PDE4C: variants seen among roughly 807,000 people sequenced by gnomAD.
PDE4C encodes 3',5'-cyclic-AMP phosphodiesterase 4C.
A neutral mutation model predicts 63.9 loss-of-function variants in PDE4C; 50 were observed. The observed-to-expected ratio is 0.78, with a 90% CI of 0.62 to 0.99. The LOEUF is 0.99. PDE4C is among the 50% of genes least tolerant of loss of function. The pLI is 0.00. For synonymous variants in PDE4C, 377 were observed against 385.1 expected (o/e 0.98, Z 0.25); for missense variants, 777 against 899.1 (o/e 0.86, Z 1.74).
At chr19:18,229,991 C>T (rs1174521469), upstream of PDE4C, among the ~76,000 whole-genome samples, 7 of 152,128 alleles carry the variant, frequency 4.6e-5, no homozygotes, top group African/African-American at 1.2e-4. Flanking sequence ...GAATGCTTGT[C>T]GCCTGCTGAT....
Position 18,222,185 on chromosome 19 carries a change from GT to G in PDE4C, c.284del (p.Asp95AlafsTer24), listed in dbSNP as rs769938898. 2 of 1,614,174 alleles carry G rather than the reference GT, an allele frequency of 1.2e-6. No individual in the cohort carries two copies. Among genetic ancestry groups the G allele is most frequent in the Admixed American group, 3.3e-5 (2 of 60,028 alleles). ...ACATGGCCTTGGGCGAGAGTTCATA[GT>G]CGCTATCTGAGCGGTACAGGAAGGA... On this transcript the variant is annotated frameshift_variant, in exon 2 of 15. Transcript: ENST00000262805. LOFTEE classifies it high-confidence loss of function.
At chr19:18,211,166 G>A (rs1259262203) in exon 15 of PDE4C, 2 of 1,613,976 alleles carry the variant, frequency 1.2e-6, no homozygotes, top group Non-Finnish European at 1.7e-6. Flanking sequence ...TCTTGCTCTG[G>A]TACCACTCTC....
upstream of PDE4C, among the ~76,000 whole-genome samples, chr19:18,248,604 G>T (rs74739592): frequency 6.6e-6 from 1 of 151,760 alleles, no homozygotes. Context: ...GGAAGGGGGG[G>T]ATTTTATCAA....
chr19:18,237,490 G>T (rs1315063887), upstream of PDE4C, among the ~76,000 whole-genome samples: 1 of 152,078 alleles, frequency 6.6e-6, no homozygotes, highest in Non-Finnish European at 1.5e-5. Context: ...GGCGGAGGTT[G>T]CAGTGAGCCG....
chr19:18,248,097 A>G (rs936280439), intron 1 of PDE4C: 5 of 450,166 alleles, frequency 1.1e-5, no homozygotes, highest in African/African-American at 6.0e-5. Context: ...ACGAGACCCC[A>G]GCACCTCTCC....
At chr19:18,221,079 C>T (rs1342096932) in intron 4 of PDE4C, 26 bp downstream of exon 4, 5 of 1,216,144 alleles carry the variant, frequency 4.1e-6, no homozygotes, top group Non-Finnish European at 5.5e-6. Flanking sequence ...CGGCCCCGCC[C>T]CCGCCCCGCC....
At chr19:18,211,388 C>A in intron 14 of PDE4C, 112 bp from the exon 15 acceptor site, 1 of 861,294 alleles carries the variant, frequency 1.2e-6, no homozygotes, top group South Asian at 1.8e-5. Flanking sequence ...AATGCCGCTT[C>A]CCAACAACTG....
upstream of PDE4C, among the ~76,000 whole-genome samples, chr19:18,227,265 G>A (rs959610247): frequency 2.0e-5 from 3 of 152,058 alleles, no homozygotes; most frequent in Non-Finnish European, 2.9e-5. Context: ...ACGCGGTCAC[G>A]GGCATGGGTC....
rs570597676 is a variant in PDE4C at position 18,221,078 on chromosome 19, C to A, written c.449+27G>T. ...CCCACCTTGTCTCTGCCGGCCCCGC[C>A]CCCGCCCCGCCCCGCCCTCTACCTA... is the stretch of plus-strand genomic sequence containing the variant. On this transcript the variant is annotated intron_variant, in intron 4 of 14. Coordinates refer to ENST00000262805, the Ensembl canonical transcript of PDE4C. 1.4e-5 allele frequency: 20 copies of A among 1,423,250 alleles called. No homozygotes were observed. The South Asian group carries it at 2.3e-4, about 17-fold the overall frequency. The allele number at this position is 1,423,250 out of a possible 1,614,324, so 88.2% of individuals were successfully genotyped here.
chr19:18,243,746 C>T (rs991236618), intron 1 of PDE4C, among the ~76,000 whole-genome samples: 2 of 152,208 alleles, frequency 1.3e-5, no homozygotes, highest in South Asian at 2.1e-4. Flanking sequence ...ATCCCTCCCC[C>T]ATCTGGAGTG....
intron 1 of PDE4C, among the ~76,000 whole-genome samples, chr19:18,242,475 C>T (rs374544727): frequency 3.0e-4 from 9 of 29,806 alleles, no homozygotes; most frequent in Admixed American, 6.0e-4. Context: ...GACTCCATCT[C>T]AAAAAAAAAA....
rs762686629 is a variant in PDE4C, at chr19:18,233,238, C to A, written c.-47G>T. On this transcript the variant is annotated 5_prime_UTR_variant, in exon 1 of 15. Coordinates refer to the PDE4C transcript ENST00000594465. ...GATAGCAGGGAGCAGGACTCGTCCC[C>A]GTGAGCGGGCGCCGAGGAGCGTCTG... 20 of 1,543,482 alleles carry A rather than the reference C, an allele frequency of 1.3e-5. 1 individual carries two copies. The highest frequency in any genetic ancestry group is 1.1e-4 in the South Asian group (9 of 84,148).
chr19:18,230,345 A>G (rs1349395411), upstream of PDE4C, among the ~76,000 whole-genome samples: 2 of 152,144 alleles, frequency 1.3e-5, no homozygotes, highest in Non-Finnish European at 2.9e-5. Flanking sequence ...CTCTACTAAA[A>G]ATACAAATAT....
intron 1 of PDE4C, among the ~76,000 whole-genome samples, chr19:18,239,542 T>G (rs538726357): frequency 2.1e-4 from 32 of 152,296 alleles, no homozygotes; most frequent in African/African-American, 7.5e-4. Context: ...AGACACAGGC[T>G]GTGTGCTGTC....
intron 12 of PDE4C, among the ~76,000 whole-genome samples, chr19:18,216,532 C>T (rs56984217): frequency 0.088 from 13,467 of 152,184 alleles, 1,138 homozygotes; most frequent in East Asian, 0.5. Flanking sequence ...GCCTCTGCTT[C>T]CCAAAGTGTT....
In PDE4C at chr19:18,220,236, C is replaced by T; in HGVS notation, c.696G>A (p.Arg232=). ...CTCAACAAAGCTCACCCAGGAAGGT[C>T]CGGGAGATGTACTCGGACACCTGGT... The change falls in exon 7 of 15, where the codon CGG becomes CGA. Residue 232 remains arginine, a synonymous_variant. Transcript: ENST00000262805. This position sits in a 1 kb window ranked among gnomAD's most constrained non-coding sequence, Gnocchi z 5.1. The T allele has an allele frequency of 6.2e-7, 1 of 1,613,654 alleles. No homozygotes were observed. The highest frequency in any genetic ancestry group is 1.7e-5 in the Admixed American group (1 of 59,982).
chr19:18,233,580 C>A, exon 1 of PDE4C: 1 of 492,836 alleles, frequency 2.0e-6, no homozygotes, highest in Non-Finnish European at 4.0e-6. Context: ...CTGATCGCTG[C>A]TAAATGGAGG....
chr19:18,247,584 C>T (rs1969153409), intron 1 of PDE4C, among the ~76,000 whole-genome samples: 1 of 152,196 alleles, frequency 6.6e-6, no homozygotes, highest in Admixed American at 6.5e-5. Flanking sequence ...GCGTGAGCCA[C>T]CGCGCCTGGC....
At chr19:18,210,908 G>A (rs1317161738) in exon 15 of PDE4C, 1 of 1,568,544 alleles carries the variant, frequency 6.4e-7, no homozygotes. Flanking sequence ...CATTGCCCCT[G>A]CAGTTCACGC....
Sources: gnomAD v4.1 joint callset for allele counts (sites outside exome capture counted in the v4.1 genomes callset) on GRCh38, gnomAD v4.1.1 for gene constraint, Gnocchi (gnomAD v3.1) non-coding constraint, MANE v1.5 for transcripts, NCBI Gene and HGNC (gene_info 2026-07-23, HGNC 2026-07-21) for gene names.